PDPK1: variants seen among roughly 807,000 people sequenced by gnomAD.
The protein encoded by PDPK1 is 3-phosphoinositide-dependent protein kinase 1.
In PDPK1, 7 loss-of-function variants were observed where a neutral mutation model predicts 39.8. The observed-to-expected ratio is 0.18, with a 90% CI of 0.10 to 0.33. PDPK1 has a LOEUF of 0.33. Ranked by LOEUF, PDPK1 falls within the 10% of genes least tolerant of loss-of-function variation. PDPK1 has a pLI of 1.00. For missense variants in PDPK1, 182 were observed against 384.7 expected (o/e 0.47, Z 4.41); for synonymous variants, 118 against 159.1 (o/e 0.74, Z 1.95).
At chr16:2,538,306 T>C (rs990712207) in intron 1 of PDPK1, 170 bp downstream of exon 1, 2 of 253,890 alleles carry the variant, frequency 7.9e-6, no homozygotes, top group African/African-American at 4.7e-5. Context: ...GGGCGCTGCT[T>C]GGCTGCGGCG....
chr16:2,579,300 G>C (rs1261603974), intron 7 of PDPK1: 2 of 102,384 alleles, frequency 2.0e-5, no homozygotes, highest in South Asian at 3.3e-4. Flanking sequence ...GCGGGGGGGG[G>C]GCGCGACGTA....
At chr16:2,543,808 G>T (rs576914837) in intron 1 of PDPK1, among the ~76,000 whole-genome samples, 2 of 152,016 alleles carry the variant, frequency 1.3e-5, no homozygotes, top group Non-Finnish European at 2.9e-5. Flanking sequence ...CGCAACCTCC[G>T]TCTTTCAGGT....
At chr16:2,558,442 A>T (rs1198394460) in intron 2 of PDPK1, among the ~76,000 whole-genome samples, 1 of 150,420 alleles carries the variant, frequency 6.6e-6, no homozygotes, top group Non-Finnish European at 1.5e-5. Flanking sequence ...CGCTCTGGAC[A>T]TTTGCTGGAG....
Position 2,538,953 on chromosome 16 carries a change from T to C in PDPK1, c.24+817T>C, listed in dbSNP as rs147926669. 8.7e-4 allele frequency: 341 copies of C among 390,504 alleles called. 4 individuals are homozygous for C. In the East Asian group the frequency reaches 0.02, roughly 23 times the overall value. The allele number at this position is 390,504 out of a possible 1,614,324, so 24.2% of individuals were successfully genotyped here. On this transcript the variant is annotated intron_variant, in intron 1 of 13. Coordinates refer to ENST00000342085, the MANE Select transcript of PDPK1 (RefSeq NM_002613.5). ...CGACGGTTTAAAAATTTATGCCTTGTATGCGATGTGCAGTGGGTGATGGAA... is the reference window on the plus strand; with the variant it reads ...CGACGGTTTAAAAATTTATGCCTTGCATGCGATGTGCAGTGGGTGATGGAA...
chr16:2,589,163 C>A (rs950074523), intron 11 of PDPK1, among the ~76,000 whole-genome samples: 1 of 152,030 alleles, frequency 6.6e-6, no homozygotes, highest in Non-Finnish European at 1.5e-5. Context: ...ACCATGTTGG[C>A]CAGTCTGGTT....
rs1291102681 is a variant in PDPK1 at position 2,602,882 on chromosome 16, GT to G, written c.*5117del. ...ATTTGCTGGCTATTGTTGGCCTCTA[GT>G]TCAGTCTGTGTTATTTAAATTCTAA... is the stretch of plus-strand genomic sequence containing the variant. On this transcript the variant is annotated 3_prime_UTR_variant, in exon 14 of 14. Coordinates refer to ENST00000342085, the MANE Select transcript of PDPK1 (RefSeq NM_002613.5). The G allele has an allele frequency of 4.3e-6, 1 of 232,976 alleles. No homozygotes were observed. The highest frequency in any genetic ancestry group is 8.5e-6 in the Non-Finnish European group (1 of 117,624). The allele number at this position is 232,976 out of a possible 1,614,324, so 14.4% of individuals were successfully genotyped here.
intron 1 of PDPK1, among the ~76,000 whole-genome samples, chr16:2,546,788 G>A (rs1411252909): frequency 2.0e-5 from 3 of 152,186 alleles, no homozygotes; most frequent in South Asian, 2.1e-4. Flanking sequence ...CAAAAGGGAC[G>A]TGTGCTCTGT....
Position 2,597,415 on chromosome 16 carries a change from C to A in PDPK1, c.1554+140C>A. ...CGCCCTTTCCGACATCCCAGACGCC[C>A]ACACTAGTGGCTCAGTCCTGAGGGG... is the stretch of plus-strand genomic sequence containing the variant. On this transcript the variant is annotated intron_variant, in intron 13 of 13. Coordinates refer to ENST00000342085, the MANE Select transcript of PDPK1 (RefSeq NM_002613.5). This position sits in a 1 kb window ranked among gnomAD's most constrained non-coding sequence, Gnocchi z 6.3. 1.2e-6 allele frequency: 1 copy of A among 810,722 alleles called. No homozygotes were observed. The highest frequency in any genetic ancestry group is 2.0e-6 in the Non-Finnish European group (1 of 498,148). 50.2% of individuals were successfully genotyped at this position (810,722 alleles called of 1,614,324 possible).
chr16:2,587,000 T>G, intron 11 of PDPK1, 107 bp downstream of exon 11: 1 of 953,448 alleles, frequency 1.0e-6, no homozygotes, highest in Non-Finnish European at 1.7e-6. Context: ...TCAGCAGCCT[T>G]GGACGCTTGG....
At chr16:2,539,956 CCAG>C (rs1311956412) in intron 1 of PDPK1, among the ~76,000 whole-genome samples, 1 of 152,188 alleles carries the variant, frequency 6.6e-6, no homozygotes, top group Non-Finnish European at 1.5e-5. Flanking sequence ...ACACTGGAAT[CCAG>C]TGAGCAAGAA....
intron 1 of PDPK1, among the ~76,000 whole-genome samples, chr16:2,546,569 A>T (rs8047129): frequency 2.6e-5 from 4 of 152,128 alleles, no homozygotes; most frequent in African/African-American, 9.7e-5. Flanking sequence ...CCTGACCTCA[A>T]GCCATCTGCC....
chr16:2,593,578 T>G lies in PDPK1; in HGVS notation c.1344-2215T>G, dbSNP rs1428309220. ...TTAAACCATGCATCTCATCACCTCTTCTGGCACTTGCTGGCGTGTGGTGAA... is the reference window on the plus strand; with the variant it reads ...TTAAACCATGCATCTCATCACCTCTGCTGGCACTTGCTGGCGTGTGGTGAA... On this transcript the variant is annotated intron_variant, in intron 11 of 13. Transcript: ENST00000342085. The surrounding 1 kb of genome is among the most constrained non-coding windows in gnomAD (Gnocchi z 4.2). 6.1e-6 allele frequency: 1 copy of G among 163,866 alleles called. No individual in the cohort carries two copies. The highest frequency in any genetic ancestry group is 2.4e-5 in the African/African-American group (1 of 41,450). 10.2% of individuals were successfully genotyped at this position (163,866 alleles called of 1,614,324 possible).
rs1367143912 is a variant in PDPK1, at chr16:2,586,665, C to T, written c.1126-11C>T. The T allele has an allele frequency of 6.2e-7, 1 of 1,612,818 alleles. No individual in the cohort carries two copies. The highest frequency in any genetic ancestry group is 1.1e-5 in the South Asian group (1 of 91,018). ...GAAGGTGCGGTTCTCACTTTCCCTT[C>T]TTCTCTGCAGTATGACAATCTCCTG... On this transcript the variant is annotated splice_polypyrimidine_tract_variant and intron_variant, in intron 10 of 13. Transcript: ENST00000342085.
intron 1 of PDPK1, among the ~76,000 whole-genome samples, chr16:2,546,631 T>G (rs1292407084): frequency 1.3e-5 from 2 of 152,122 alleles, no homozygotes; most frequent in African/African-American, 4.8e-5. Context: ...TGCCCGGCCT[T>G]CCTTAGTGGC....
chr16:2,585,361 CG>C (rs1555447328), intron 10 of PDPK1, among the ~76,000 whole-genome samples: 1 of 152,170 alleles, frequency 6.6e-6, no homozygotes, highest in Non-Finnish European at 1.5e-5. Context: ...AGACCTCACA[CG>C]GGGACAGTGA....
At chr16:2,596,033 GCGT>G (rs2142008443) in intron 12 of PDPK1, among the ~76,000 whole-genome samples, 183 bp downstream of exon 12, 1 of 152,326 alleles carries the variant, frequency 6.6e-6, no homozygotes, top group African/African-American at 2.4e-5. Context: ...GGAGCCACAC[GCGT>G]AGGCGGTTAG....
At chr16:2,595,604 A>C (rs1017415581) in intron 11 of PDPK1, among the ~76,000 whole-genome samples, 189 bp from the exon 12 acceptor site, 3 of 152,182 alleles carry the variant, frequency 2.0e-5, no homozygotes, top group African/African-American at 7.2e-5. Context: ...AATACGGATT[A>C]AGGCTCTCTG....
intron 11 of PDPK1, 132 bp downstream of exon 11, chr16:2,587,025 G>A (rs2066891328): frequency 8.9e-6 from 7 of 784,416 alleles, no homozygotes; most frequent in African/African-American, 3.4e-5. Flanking sequence ...GGAGCACATC[G>A]TAAGTGCACA....
At chr16:2,544,639 A>G (rs1280241328) in intron 1 of PDPK1, among the ~76,000 whole-genome samples, 2 of 151,688 alleles carry the variant, frequency 1.3e-5, no homozygotes, top group African/African-American at 2.4e-5. Context: ...GTTGGAGTGC[A>G]GTGGCGCGAT....
Sources: allele counts gnomAD v4.1 joint callset (sites outside exome capture counted in the v4.1 genomes callset), GRCh38; gene constraint gnomAD v4.1.1; non-coding constraint Gnocchi (gnomAD v3.1); transcripts MANE v1.5; gene names NCBI Gene and HGNC (gene_info 2026-07-23, HGNC 2026-07-21).